TBX5: variants seen among roughly 807,000 people sequenced by gnomAD.
The protein encoded by TBX5 is T-box transcription factor TBX5.
TBX5 carries 8 observed loss-of-function variants against 51.1 expected under a neutral mutation model. The ratio of observed to expected loss-of-function variants is 0.16; its 90% CI spans 0.09 to 0.28. TBX5 has a LOEUF of 0.28. Ranked by LOEUF, TBX5 falls within the 10% of genes least tolerant of loss-of-function variation. The pLI, the probability that TBX5 is intolerant of heterozygous loss-of-function variation, is 1.00. For synonymous variants in TBX5, 302 were observed against 266.4 expected (o/e 1.13, Z -1.30); for missense variants, 589 against 671.7 (o/e 0.88, Z 1.36).
intron 4 of TBX5, 58 bp downstream of exon 4, chr12:114,399,455 T>G: frequency 3.1e-6 from 5 of 1,613,458 alleles, no homozygotes; most frequent in Non-Finnish European, 4.2e-6. Context: ...TTTTCAACTT[T>G]TTGGGAGAAG....
At chr12:114,389,671 G>A (rs994816262) in intron 6 of TBX5, among the ~76,000 whole-genome samples, 3 of 137,140 alleles carry the variant, frequency 2.2e-5, no homozygotes, top group Non-Finnish European at 3.1e-5. Context: ...GGAGAATGGC[G>A]TGAACCCGGG....
At chr12:114,401,994 A>G (rs754989986) in intron 2 of TBX5, 74 bp from the exon 3 acceptor site, 1 of 1,298,486 alleles carries the variant, frequency 7.7e-7, no homozygotes, top group Non-Finnish European at 1.1e-6. Flanking sequence ...ACTCCCCCAA[A>G]ACACAGAGAC....
intron 6 of TBX5, among the ~76,000 whole-genome samples, chr12:114,390,446 T>C (rs1246951169): frequency 6.6e-6 from 1 of 152,166 alleles, no homozygotes; most frequent in Non-Finnish European, 1.5e-5. Flanking sequence ...CCGGGAGAGA[T>C]TTGGGAGTGG....
intron 8 of TBX5, among the ~76,000 whole-genome samples, chr12:114,361,899 G>A (rs886316264): frequency 6.6e-5 from 10 of 152,098 alleles, no homozygotes; most frequent in African/African-American, 2.4e-4. Flanking sequence ...GGAGGGAGGT[G>A]AGAAGGGCAG....
intron 7 of TBX5, among the ~76,000 whole-genome samples, chr12:114,372,897 A>C (rs1869989125): frequency 6.6e-6 from 1 of 151,962 alleles, no homozygotes; most frequent in Non-Finnish European, 1.5e-5. Context: ...TCTTCTGTCT[A>C]TAAAATGGGG....
rs1430022884 is a variant in TBX5, at chr12:114,403,850, G to C, written c.49C>G (p.Pro17Ala). Residue 17 changes from proline to alanine, a missense_variant, in exon 2 of 9, where the codon CCT (proline) becomes GCT (alanine). Around this residue, in one of 7 missense-constraint regions of TBX5, gnomAD observed 101 missense variants for 83.3 expected, o/e 1.21. Transcript: ENST00000405440. ...TCGCAGGGCAGGTCTTTTGCGTCAG[G>C]CTCCAGAGGCGTGTGCGCCAGGCCA... ...GFGLAHTPLEPDAKDLPCDSK... is the reference protein window; with the variant it reads ...GFGLAHTPLEADAKDLPCDSK... 1 of 1,613,944 alleles carries C rather than the reference G, an allele frequency of 6.2e-7. No homozygotes were observed. Among genetic ancestry groups the C allele is most frequent in the Non-Finnish European group, 8.5e-7 (1 of 1,180,002 alleles).
intron 8 of TBX5, among the ~76,000 whole-genome samples, chr12:114,356,727 C>G (rs921723652): frequency 1.5e-4 from 23 of 152,170 alleles, no homozygotes; most frequent in African/African-American, 5.1e-4. Context: ...CAAACATATA[C>G]AGTGTGTACT....
intron 7 of TBX5, among the ~76,000 whole-genome samples, chr12:114,382,389 G>A (rs1029926216): frequency 2.2e-4 from 33 of 152,316 alleles, no homozygotes; most frequent in African/African-American, 7.5e-4. Context: ...GTTGGCCAGG[G>A]GCTGTGGGTA....
At chr12:114,401,034 C>T (rs1033130297) in intron 3 of TBX5, among the ~76,000 whole-genome samples, 1 of 152,100 alleles carries the variant, frequency 6.6e-6, no homozygotes, top group Non-Finnish European at 1.5e-5. Context: ...GAAGACCCGT[C>T]CAGCACGGGT....
At chr12:114,357,322 G>T (rs925683323) in intron 8 of TBX5, among the ~76,000 whole-genome samples, 1 of 152,126 alleles carries the variant, frequency 6.6e-6, no homozygotes, top group Admixed American at 6.5e-5. Context: ...CTAGAAAACT[G>T]CATTGAAACA....
chr12:114,360,277 C>T (rs10744823), intron 8 of TBX5, among the ~76,000 whole-genome samples: 116,055 of 151,860 alleles, frequency 0.76, 44,652 homozygotes, highest in Non-Finnish European at 0.81. Flanking sequence ...TTCCATTTCA[C>T]GCAACCCTAC....
At position 114,355,603 on chromosome 12, in the gene TBX5, T is replaced by C. The variant is rs757399952; in HGVS notation, c.1486A>G (p.Thr496Ala). 1.2e-6 allele frequency: 2 copies of C among 1,613,916 alleles called. No individual in the cohort carries two copies. Among genetic ancestry groups the C allele is most frequent in the African/African-American group, 2.7e-5 (2 of 74,872 alleles). ...GAGTGGTACTGATGAGGGGATAGAG[T>C]CCTTGGCACGCCATGAGAGTAGAGG... ...EFLYSHGVPR[T>A]LSPHQYHSVH... The change falls in exon 9 of 9, where the codon ACT becomes GCT. Residue 496 changes from threonine to alanine, a missense_variant. By Grantham distance (58) the Thr-to-Ala change is moderately conservative. This residue lies in a region of TBX5 where 348 missense variants were observed against 360.4 expected (regional missense o/e 0.97). Transcript: ENST00000405440.
chr12:114,370,699 A>C (rs1869852547), intron 7 of TBX5, among the ~76,000 whole-genome samples: 1 of 150,956 alleles, frequency 6.6e-6, no homozygotes, highest in African/African-American at 2.4e-5. Context: ...TATGGCCACC[A>C]TCCTGTGAGA....
intron 2 of TBX5, 118 bp downstream of exon 2, chr12:114,403,634 T>G: frequency 3.5e-6 from 5 of 1,420,794 alleles, no homozygotes; most frequent in Non-Finnish European, 4.7e-6. Context: ...AGTCGTTGGG[T>G]TCGTTTTGGG....
upstream of TBX5, chr12:114,407,759 G>T (rs1179106800): frequency 6.1e-6 from 6 of 985,430 alleles, no homozygotes; most frequent in East Asian, 6.8e-4. Context: ...GCCAAGGAGG[G>T]CCAAGTGCAA....
chr12:114,389,341 C>T (rs960391114), intron 6 of TBX5, among the ~76,000 whole-genome samples: 1 of 152,092 alleles, frequency 6.6e-6, no homozygotes, highest in Non-Finnish European at 1.5e-5. Context: ...GTCTAAAAAC[C>T]CAACATCTAA....
intron 7 of TBX5, among the ~76,000 whole-genome samples, chr12:114,381,771 C>T (rs984484292): frequency 3.3e-5 from 5 of 152,198 alleles, no homozygotes; most frequent in African/African-American, 1.2e-4. Context: ...CTTCTTCACT[C>T]TTTCTCCTTC....
chr12:114,360,809 T>G (rs1869199365), intron 8 of TBX5, among the ~76,000 whole-genome samples: 1 of 152,004 alleles, frequency 6.6e-6, no homozygotes, highest in Admixed American at 6.6e-5. Context: ...GTTGTTGTTT[T>G]TGTTGTTGTT....
intron 6 of TBX5, among the ~76,000 whole-genome samples, chr12:114,393,827 T>C (rs890472668): frequency 6.6e-6 from 1 of 152,176 alleles, no homozygotes; most frequent in Non-Finnish European, 1.5e-5. Flanking sequence ...AGGCTCTTTG[T>C]CTAAGTCCAG....
Sources: allele counts gnomAD v4.1 joint callset (sites outside exome capture counted in the v4.1 genomes callset), GRCh38; gene constraint gnomAD v4.1.1; regional missense constraint gnomAD v4.1.1; transcripts MANE v1.5; gene names NCBI Gene and HGNC (gene_info 2026-07-23, HGNC 2026-07-21).